ZNF568: variants seen among roughly 807,000 people sequenced by gnomAD.
The protein encoded by ZNF568 is p53 inhibitor of SCO2 activation.
In ZNF568, 11 loss-of-function variants were observed where a neutral mutation model predicts 18.1. The ratio of observed to expected loss-of-function variants is 0.61; its 90% CI spans 0.38 to 1.00. The LOEUF is 1.00. Among genes scored for constraint, ZNF568 ranks in the 50% least tolerant of loss-of-function variants. ZNF568 has a pLI of 0.01. For synonymous variants in ZNF568, 213 were observed against 246.6 expected, an observed-to-expected ratio of 0.86 and a Z score of 1.28; for missense variants, 639 against 768.2, an observed-to-expected ratio of 0.83 and a Z score of 1.99.
chr19:36,936,615 C>T, intron 4 of ZNF568, 131 bp from the exon 5 acceptor site: 1 of 792,174 alleles, frequency 1.3e-6, no homozygotes, highest in Non-Finnish European at 1.9e-6. Context: ...GTTTTTTCTG[C>T]ACCTTTCTCT....
intron 6 of ZNF568, among the ~76,000 whole-genome samples, chr19:36,942,013 T>A (rs1278046666): frequency 2.0e-5 from 3 of 150,426 alleles, no homozygotes; most frequent in Non-Finnish European, 4.4e-5. Context: ...GACAGAGTCT[T>A]GCTGTTGTTG....
intron 4 of ZNF568, among the ~76,000 whole-genome samples, chr19:36,993,364 G>A (rs1319247456): frequency 6.6e-6 from 1 of 152,086 alleles, no homozygotes; most frequent in Non-Finnish European, 1.5e-5. Context: ...GAAGATACTG[G>A]TCTGTAGTTT....
At chr19:36,919,817 T>C (rs981666822) in intron 2 of ZNF568, among the ~76,000 whole-genome samples, 6 of 152,178 alleles carry the variant, frequency 3.9e-5, no homozygotes, top group Admixed American at 1.3e-4. Flanking sequence ...CTCATGTGTT[T>C]GCAGTGATGC....
chr19:36,966,340 GCCTCA>G (rs2074194998), intron 6 of ZNF568, among the ~76,000 whole-genome samples: 1 of 151,886 alleles, frequency 6.6e-6, no homozygotes, highest in African/African-American at 2.4e-5. Context: ...CCAACTCCTG[GCCTCA>G]AACAATCCTC....
chr19:36,922,890 C>G (rs1213307915), intron 3 of ZNF568, 44 bp downstream of exon 3: 1 of 1,579,260 alleles, frequency 6.3e-7, no homozygotes, highest in African/African-American at 1.3e-5. Flanking sequence ...GAGAAAGGCT[C>G]TACATTTGGG....
chr19:36,952,038 C>CTG lies in ZNF568; in HGVS notation c.*951_*952insGT. The stretch of plus-strand genomic sequence containing the variant: ...TGTCTATGACGTTGAGGCCAAGGAG[C>CTG]TTTTTTTTTTTTTTTTTCAAGACAA... On this transcript the variant is annotated 3_prime_UTR_variant, in exon 7 of 7. Transcript: ENST00000333987. 4.5e-6 allele frequency: 4 copies of CTG among 879,402 alleles called. No homozygotes were observed. The highest frequency in any genetic ancestry group is 5.3e-6 in the Non-Finnish European group (4 of 758,718). The allele number at this position is 879,402 out of a possible 1,614,324, so 54.5% of individuals were successfully genotyped here. A position where few individuals can be genotyped will look rare whatever the true frequency, so the allele number is the denominator to read the frequency against.
chr19:36,921,535 C>T (rs1410238816), intron 2 of ZNF568, among the ~76,000 whole-genome samples: 1 of 151,604 alleles, frequency 6.6e-6, no homozygotes, highest in African/African-American at 2.4e-5. Context: ...GAGGATATCT[C>T]AAGCATAGCA....
chr19:36,930,387 C>G (rs1013249380), intron 4 of ZNF568, among the ~76,000 whole-genome samples: 2 of 151,658 alleles, frequency 1.3e-5, no homozygotes, highest in Non-Finnish European at 2.9e-5. Context: ...TTTTTTGTAT[C>G]TTTAGTAGAG....
chr19:36,983,144 A>C (rs943406636), downstream of ZNF568, among the ~76,000 whole-genome samples: 2 of 152,240 alleles, frequency 1.3e-5, no homozygotes, highest in African/African-American at 4.8e-5. Flanking sequence ...CCATTTATGT[A>C]ACATCTATGG....
At chr19:36,921,922 G>A (rs1015043020) in intron 2 of ZNF568, among the ~76,000 whole-genome samples, 1 of 152,062 alleles carries the variant, frequency 6.6e-6, no homozygotes, top group Admixed American at 6.6e-5. Context: ...TCACCTCATC[G>A]AGCATACACC....
At chr19:36,947,359 G>A (rs536808923) in intron 6 of ZNF568, among the ~76,000 whole-genome samples, 2 of 152,216 alleles carry the variant, frequency 1.3e-5, no homozygotes, top group East Asian at 3.9e-4. Flanking sequence ...AGCATCTGTT[G>A]TTCCTTTTAA....
chr19:36,965,803 C>T (rs893435406), intron 6 of ZNF568, among the ~76,000 whole-genome samples: 38 of 150,202 alleles, frequency 2.5e-4, no homozygotes, highest in Middle Eastern at 3.4e-3. Context: ...CTGGTTCAAG[C>T]GATTCTCCTG....
chr19:36,978,033 C>G (rs2074299887), intron 7 of ZNF568, among the ~76,000 whole-genome samples: 1 of 152,242 alleles, frequency 6.6e-6, no homozygotes, highest in Non-Finnish European at 1.5e-5. Context: ...TAGGGCCTCA[C>G]TCCACTGTCT....
intron 6 of ZNF568, among the ~76,000 whole-genome samples, chr19:36,941,843 G>T (rs932419593): frequency 4.6e-5 from 7 of 152,074 alleles, no homozygotes; most frequent in Non-Finnish European, 1.0e-4. Flanking sequence ...TAGAGAGCCA[G>T]TAGAAATGTC....
At chr19:36,921,916 C>T (rs936474371) in intron 2 of ZNF568, among the ~76,000 whole-genome samples, 1 of 152,074 alleles carries the variant, frequency 6.6e-6, no homozygotes, top group African/African-American at 2.4e-5. Flanking sequence ...CATCTGTCAC[C>T]TCATCGAGCA....
chr19:36,925,138 A>T, intron 3 of ZNF568, 62 bp from the exon 4 acceptor site: 1 of 1,512,484 alleles, frequency 6.6e-7, no homozygotes, highest in Non-Finnish European at 9.2e-7. Flanking sequence ...CTGGTACTGA[A>T]GATTTCTATA....
chr19:36,921,782 C>A (rs2073460980), intron 2 of ZNF568, among the ~76,000 whole-genome samples: 2 of 152,160 alleles, frequency 1.3e-5, no homozygotes, highest in African/African-American at 4.8e-5. Context: ...AATTGCAATT[C>A]TCCCTTAATT....
chr19:36,992,431 G>GAATT (rs565205501), intron 4 of ZNF568, among the ~76,000 whole-genome samples: 180 of 152,180 alleles, frequency 1.2e-3, no homozygotes, highest in African/African-American at 4.3e-3. Flanking sequence ...GATCCCAGGA[G>GAATT]GCAGAGGTTG....
intron 3 of ZNF568, 94 bp downstream of exon 3, chr19:36,922,940 C>A: frequency 9.5e-7 from 1 of 1,047,546 alleles, no homozygotes; most frequent in South Asian, 1.5e-5. Context: ...TGAGAAAGGT[C>A]ACGTATGTTA....
Sources: allele counts gnomAD v4.1 joint callset (sites outside exome capture counted in the v4.1 genomes callset), GRCh38; gene constraint gnomAD v4.1.1; transcripts MANE v1.5; gene names NCBI Gene and HGNC (gene_info 2026-07-23, HGNC 2026-07-21).